VTI1A: variants seen among roughly 807,000 people sequenced by gnomAD.
VTI1A encodes vesicle transport through interaction with t-SNAREs 1A.
In VTI1A, 22 loss-of-function variants were observed where a neutral mutation model predicts 34.9. The observed-to-expected ratio is 0.63, with a 90% CI of 0.45 to 0.90. The LOEUF (loss-of-function observed/expected upper bound fraction) is 0.90. Ranked by LOEUF, VTI1A falls within the 40% of genes least tolerant of loss-of-function variation. The pLI, the probability that VTI1A is intolerant of heterozygous loss-of-function variation, is 0.00. For missense variants in VTI1A, 268 were observed against 275.6 expected (o/e 0.97, Z 0.20); for synonymous variants, 87 against 97.3 (o/e 0.89, Z 0.62).
At chr10:112,666,504 C>T (rs1000143836) in intron 5 of VTI1A, among the ~76,000 whole-genome samples, 1 of 152,172 alleles carries the variant, frequency 6.6e-6, no homozygotes, top group Non-Finnish European at 1.5e-5. Context: ...AGTGCAAACA[C>T]TTGATGTTGA....
At chr10:112,723,063 T>A (rs1285696625) in intron 7 of VTI1A, among the ~76,000 whole-genome samples, 2 of 152,212 alleles carry the variant, frequency 1.3e-5, no homozygotes, top group African/African-American at 4.8e-5. Flanking sequence ...ACTCTGTGCC[T>A]CAAGTTCTTT....
intron 5 of VTI1A, among the ~76,000 whole-genome samples, chr10:112,595,794 C>T (rs552929510): frequency 1.3e-5 from 2 of 151,962 alleles, no homozygotes; most frequent in South Asian, 2.1e-4. Context: ...CCATTTGACC[C>T]AGCCATCCCA....
intron 7 of VTI1A, among the ~76,000 whole-genome samples, chr10:112,690,415 C>T (rs190927038): frequency 6.6e-6 from 1 of 152,308 alleles, no homozygotes; most frequent in African/African-American, 2.4e-5. Context: ...CATCATTGCT[C>T]TTAAAGCATC....
chr10:112,728,852 A>G (rs942062841), intron 7 of VTI1A, among the ~76,000 whole-genome samples: 1 of 152,130 alleles, frequency 6.6e-6, no homozygotes, highest in African/African-American at 2.4e-5. Flanking sequence ...ATTTTATGTT[A>G]GTAGATTTTT....
the VTI1A span, among the ~76,000 whole-genome samples, chr10:112,844,026 A>G: frequency 1.3e-5 from 2 of 152,166 alleles, no homozygotes; most frequent in Non-Finnish European, 2.9e-5. Context: ...GAGGAATGCC[A>G]AGGCATAGGG....
chr10:112,688,380 C>G (rs1017402911), intron 7 of VTI1A, among the ~76,000 whole-genome samples: 1 of 151,894 alleles, frequency 6.6e-6, no homozygotes, highest in South Asian at 2.1e-4. Context: ...ATGATCTCTC[C>G]CCTCCCTTTT....
intron 5 of VTI1A, among the ~76,000 whole-genome samples, chr10:112,667,346 G>T (rs1847680064): frequency 6.6e-6 from 1 of 152,194 alleles, no homozygotes; most frequent in East Asian, 1.9e-4. Context: ...CACCTCCCAG[G>T]TAATGGGGAA....
At chr10:112,763,150 C>A (rs184762493) in intron 7 of VTI1A, among the ~76,000 whole-genome samples, 7 of 152,094 alleles carry the variant, frequency 4.6e-5, no homozygotes, top group African/African-American at 1.7e-4. Context: ...CTGGGCCAGG[C>A]GCAGTGGCTC....
intron 5 of VTI1A, among the ~76,000 whole-genome samples, chr10:112,660,286 A>G (rs1404045605): frequency 1.3e-5 from 2 of 152,098 alleles, no homozygotes; most frequent in Non-Finnish European, 2.9e-5. Context: ...TTTCTAGTAG[A>G]GAGGGGTTTC....
chr10:112,807,323 T>G (rs923922893), intron 7 of VTI1A, among the ~76,000 whole-genome samples: 3 of 152,220 alleles, frequency 2.0e-5, no homozygotes, highest in African/African-American at 7.2e-5. Flanking sequence ...TCTCTCATAG[T>G]TGCGAAGACT....
intron 5 of VTI1A, among the ~76,000 whole-genome samples, chr10:112,583,647 A>C (rs1589935004): frequency 6.6e-6 from 1 of 152,190 alleles, no homozygotes. Context: ...CAGGCAGTGT[A>C]ATTTAGTAAT....
chr10:112,611,737 A>ATTTTTTTTTTTTTTTTTTTTTTTTTTT lies in VTI1A; in HGVS notation c.428-56459_428-56458insTTTTTTTTTTTTTTTTTTTTTTTTTTT, dbSNP rs3057346. Among the ~76,000 whole-genome samples, 69 of 100,800 alleles carry ATTTTTTTTTTTTTTTTTTTTTTTTTTT rather than the reference A, an allele frequency of 6.8e-4. 3 individuals are homozygous for ATTTTTTTTTTTTTTTTTTTTTTTTTTT. The highest frequency in any genetic ancestry group is 9.4e-4 in the African/African-American group (21 of 22,362). 66.1% of individuals were successfully genotyped at this position (100,800 alleles called of 152,430 possible). A position where few individuals can be genotyped will look rare whatever the true frequency, so the allele number is the denominator to read the frequency against. ...TAAAGCCCATTTGGTGAGAAAGGTA[A>ATTTTTTTTTTTTTTTTTTTTTTTTTTT]TTTTTTTTTTTTTTTTTTTTTTGTG... On this transcript the variant is annotated intron_variant, in intron 5 of 7. Coordinates refer to ENST00000393077, the MANE Select transcript of VTI1A (RefSeq NM_145206.4).
At chr10:112,734,183 A>G (rs1850373457) in intron 7 of VTI1A, among the ~76,000 whole-genome samples, 1 of 151,926 alleles carries the variant, frequency 6.6e-6, no homozygotes, top group East Asian at 1.9e-4. Flanking sequence ...TCCCACCTCA[A>G]AATAGGGTTC....
intron 3 of VTI1A, among the ~76,000 whole-genome samples, chr10:112,493,603 G>A (rs1009337318): frequency 2.6e-5 from 4 of 152,086 alleles, no homozygotes; most frequent in Non-Finnish European, 5.9e-5. Flanking sequence ...TTAGCTACAG[G>A]TATTTTGTAA....
Position 112,815,441 on chromosome 10 carries a change from A to C in VTI1A, c.*58A>C. 1 of 1,435,402 alleles carries C rather than the reference A, an allele frequency of 7.0e-7. No homozygotes were observed. The highest frequency in any genetic ancestry group is 1.2e-5 in the South Asian group (1 of 86,926). The allele number at this position is 1,435,402 out of a possible 1,614,324, so 88.9% of individuals were successfully genotyped here. A position where few individuals can be genotyped will look rare whatever the true frequency, so the allele number is the denominator to read the frequency against. On this transcript the variant is annotated 3_prime_UTR_variant, in exon 8 of 8. Coordinates refer to ENST00000393077, the MANE Select transcript of VTI1A (RefSeq NM_145206.4). ...CAGCTTGTTCTGAGTAATTAAGACA[A>C]AATGGTCACATGAATCATTCTGTTG...
At chr10:112,548,663 A>G (rs1022353388) in intron 5 of VTI1A, 3 of 1,150,594 alleles carry the variant, frequency 2.6e-6, no homozygotes, top group Non-Finnish European at 3.9e-6. Context: ...AGACTTGGTG[A>G]CTTTGCCAGC....
At chr10:112,842,051 C>CTTTTTTTT in the VTI1A span, among the ~76,000 whole-genome samples, 15 of 66,642 alleles carry the variant, frequency 2.3e-4, no homozygotes, top group Non-Finnish European at 2.6e-4. Context: ...TTTTTTTTTC[C>CTTTTTTTT]TTTTTTTTTT....
intron 5 of VTI1A, among the ~76,000 whole-genome samples, chr10:112,648,757 G>A (rs1212322598): frequency 6.6e-6 from 1 of 152,050 alleles, no homozygotes; most frequent in Non-Finnish European, 1.5e-5. Flanking sequence ...TTGTAATACA[G>A]TTTTCAAAAT....
chr10:112,785,432 G>A (rs1852254991), intron 7 of VTI1A, among the ~76,000 whole-genome samples: 1 of 152,012 alleles, frequency 6.6e-6, no homozygotes, highest in Non-Finnish European at 1.5e-5. Context: ...TATATGATTT[G>A]CAAATATTTT....
Sources: gnomAD v4.1 joint callset for allele counts (sites outside exome capture counted in the v4.1 genomes callset) on GRCh38, gnomAD v4.1.1 for gene constraint, MANE v1.5 for transcripts, NCBI Gene and HGNC (gene_info 2026-07-23, HGNC 2026-07-21) for gene names.